The following CAMKMT variants were observed in gnomAD, a reference collection of about 807,000 sequenced individuals.
CAMKMT encodes the protein CaM KMT.
A neutral mutation model predicts 48.0 loss-of-function variants in CAMKMT; 53 were observed. The observed-to-expected ratio is 1.10, with a 90% CI of 0.89 to 1.39. The LOEUF is 1.39. Among genes scored for constraint, CAMKMT ranks in the 40% most tolerant of loss-of-function variants. The probability of loss-of-function intolerance (pLI) is 0.00; values close to 1 mark genes in which losing one functional copy is unlikely to be tolerated. For synonymous variants in CAMKMT, 165 were observed against 152.3 expected, an observed-to-expected ratio of 1.08 and a Z score of -0.61; for missense variants, 428 against 402.7, an observed-to-expected ratio of 1.06 and a Z score of -0.54.
At chr2:44,647,081 G>A (rs971837617) in intron 3 of CAMKMT, among the ~76,000 whole-genome samples, 2 of 152,228 alleles carry the variant, frequency 1.3e-5, no homozygotes, top group East Asian at 1.9e-4. Flanking sequence ...GGCAGAACAC[G>A]AGGTCAGGAG....
rs376483209 is a variant in CAMKMT, at chr2:44,664,606, G to A, written c.377-39677G>A. On this transcript the variant is annotated intron_variant, in intron 3 of 10. Coordinates refer to ENST00000378494, the MANE Select transcript of CAMKMT (RefSeq NM_024766.5). ...CTATGAATATTAATACAACCCTAAG[G>A]TGTTTATAATTTAAGAGGAAATAAA... Among the ~76,000 whole-genome samples, 21 of 152,216 alleles carry A rather than the reference G, an allele frequency of 1.4e-4. No homozygotes were observed. The South Asian group carries it at 2.3e-3, about 17-fold the overall frequency.
At chr2:44,399,407 A>T (rs552698792) in intron 3 of CAMKMT, among the ~76,000 whole-genome samples, 3 of 152,268 alleles carry the variant, frequency 2.0e-5, no homozygotes, top group African/African-American at 7.2e-5. Flanking sequence ...TGAAAACCAC[A>T]AGTTCTCCTC....
intron 3 of CAMKMT, among the ~76,000 whole-genome samples, chr2:44,551,695 A>G (rs1349322446): frequency 2.6e-5 from 4 of 152,192 alleles, no homozygotes; most frequent in Non-Finnish European, 4.4e-5. Context: ...GTCACTGTAG[A>G]TGAATTTGCT....
chr2:44,730,959 A>G (rs928622081), intron 7 of CAMKMT, among the ~76,000 whole-genome samples: 1 of 152,216 alleles, frequency 6.6e-6, no homozygotes, highest in African/African-American at 2.4e-5. Flanking sequence ...TTTGAAGTTC[A>G]TTACATTTAG....
chr2:44,673,471 GAGGAAGGAAGGAAGGAAGGAAGGAAGGA>G (rs201284067), intron 3 of CAMKMT, among the ~76,000 whole-genome samples: 1 of 116,844 alleles, frequency 8.6e-6, no homozygotes, highest in Non-Finnish European at 1.7e-5. Context: ...GAAAGAGAGA[GAGGAAGGAAGGAAGGAAGGAAGGAAGGA>G]AGGAAGGAAG....
At chr2:44,602,567 G>A (rs139211533) in intron 3 of CAMKMT, among the ~76,000 whole-genome samples, 1 of 152,160 alleles carries the variant, frequency 6.6e-6, no homozygotes, top group Admixed American at 6.5e-5. Flanking sequence ...ATGAAGAAAA[G>A]AGATTTAATT....
At chr2:44,762,460 C>T (rs1680657283) in intron 9 of CAMKMT, among the ~76,000 whole-genome samples, 1 of 152,170 alleles carries the variant, frequency 6.6e-6, no homozygotes, top group Admixed American at 6.5e-5. Context: ...TCTTCCTCCC[C>T]TAATGCATTT....
At chr2:44,363,683 C>T (rs1265129515) in intron 1 of CAMKMT, among the ~76,000 whole-genome samples, 5 of 150,758 alleles carry the variant, frequency 3.3e-5, no homozygotes, top group African/African-American at 1.2e-4. Context: ...CCCGGCAACC[C>T]CCTTCTTTTT....
chr2:44,615,981 C>G (rs964405681), intron 3 of CAMKMT, among the ~76,000 whole-genome samples: 3 of 152,174 alleles, frequency 2.0e-5, no homozygotes, highest in Admixed American at 6.5e-5. Flanking sequence ...CTTGCTCTCC[C>G]TCTAGTTTCC....
At chr2:44,375,302 G>T (rs1375867614) in intron 2 of CAMKMT, among the ~76,000 whole-genome samples, 1 of 150,308 alleles carries the variant, frequency 6.7e-6, no homozygotes, top group South Asian at 2.1e-4. Context: ...CAGCAGTAAT[G>T]ATGATTGAAA....
At chr2:44,677,912 T>G (rs1259128886) in intron 3 of CAMKMT, among the ~76,000 whole-genome samples, 10 of 152,106 alleles carry the variant, frequency 6.6e-5, no homozygotes, top group Admixed American at 6.5e-4. Context: ...ACAGCTGGAC[T>G]CATGCATAAC....
intron 1 of CAMKMT, among the ~76,000 whole-genome samples, chr2:44,368,972 G>A (rs1678896687): frequency 6.6e-6 from 1 of 152,034 alleles, no homozygotes; most frequent in African/African-American, 2.4e-5. Flanking sequence ...TGTGCCTTCT[G>A]CCTCCCAGGC....
chr2:44,707,578 A>G, intron 6 of CAMKMT, 116 bp downstream of exon 6: 1 of 732,576 alleles, frequency 1.4e-6, no homozygotes, highest in Non-Finnish European at 2.2e-6. Context: ...TCCCCCCTAC[A>G]TACATGATAA....
At chr2:44,617,545 C>G (rs1468310731) in intron 3 of CAMKMT, among the ~76,000 whole-genome samples, 1 of 152,234 alleles carries the variant, frequency 6.6e-6, no homozygotes, top group Admixed American at 6.5e-5. Context: ...TATAAAAGCT[C>G]TAATCTTCAA....
intron 6 of CAMKMT, among the ~76,000 whole-genome samples, chr2:44,711,540 T>C (rs996397913): frequency 6.6e-6 from 1 of 152,192 alleles, no homozygotes; most frequent in African/African-American, 2.4e-5. Context: ...AGTCTTGAAC[T>C]TCTGGGCTCA....
At chr2:44,617,986 TCAGACATCAAGAAAG>T (rs1671983142) in intron 3 of CAMKMT, among the ~76,000 whole-genome samples, 1 of 152,196 alleles carries the variant, frequency 6.6e-6, no homozygotes, top group Non-Finnish European at 1.5e-5. Context: ...CAAACTTTAT[TCAGACATCAAGAAAG>T]CATCATATCT....
intron 3 of CAMKMT, among the ~76,000 whole-genome samples, chr2:44,621,619 AT>A (rs142326773): frequency 1.8e-3 from 277 of 152,340 alleles, no homozygotes; most frequent in African/African-American, 6.2e-3. Flanking sequence ...AAAACTAATT[AT>A]GGCTGAAGTG....
intron 3 of CAMKMT, among the ~76,000 whole-genome samples, chr2:44,598,294 A>G (rs1169188786): frequency 6.6e-6 from 1 of 152,076 alleles, no homozygotes; most frequent in Non-Finnish European, 1.5e-5. Context: ...TATGAATCCT[A>G]AGAACCTCTG....
intron 3 of CAMKMT, among the ~76,000 whole-genome samples, chr2:44,661,952 G>T (rs1674700274): frequency 1.3e-5 from 2 of 152,148 alleles, no homozygotes; most frequent in Admixed American, 1.3e-4. Flanking sequence ...GACTTTTCAT[G>T]GAAGATTAGA....
Sources: gnomAD v4.1 joint callset for allele counts (sites outside exome capture counted in the v4.1 genomes callset) on GRCh38, gnomAD v4.1.1 for gene constraint, MANE v1.5 for transcripts, NCBI Gene and HGNC (gene_info 2026-07-23, HGNC 2026-07-21) for gene names.